The following EPB41L4A variants were observed in gnomAD, a reference collection of about 807,000 sequenced individuals.
The protein encoded by EPB41L4A is band 4.1-like protein 4A.
EPB41L4A carries 100 observed loss-of-function variants against 108.6 expected under a neutral mutation model. The ratio of observed to expected loss-of-function variants is 0.92; its 90% confidence interval spans 0.78 to 1.09. The LOEUF is 1.09. EPB41L4A is among the 50% of genes least tolerant of loss of function. The pLI is 0.00. For missense variants in EPB41L4A, 1,030 were observed against 842.7 expected (o/e 1.22, Z -2.75); for synonymous variants, 319 against 289.0 (o/e 1.10, Z -1.05).
At chr5:112,181,383 C>T (rs1434138718) in intron 18 of EPB41L4A, among the ~76,000 whole-genome samples, 8 of 151,814 alleles carry the variant, frequency 5.3e-5, no homozygotes, top group African/African-American at 1.7e-4. Flanking sequence ...ACCCGGGAGG[C>T]GGAGCTTGCA....
chr5:112,226,442 T>C (rs1031865744), intron 12 of EPB41L4A, among the ~76,000 whole-genome samples: 7 of 152,208 alleles, frequency 4.6e-5, no homozygotes, highest in African/African-American at 9.6e-5. Flanking sequence ...CTGTTCCTAT[T>C]GTCTGCTTAA....
At chr5:112,316,220 T>C (rs974913949) in intron 1 of EPB41L4A, among the ~76,000 whole-genome samples, 2 of 152,218 alleles carry the variant, frequency 1.3e-5, no homozygotes, top group African/African-American at 4.8e-5. Context: ...AAAGGCAGGT[T>C]CCTGCCAGCT....
intron 1 of EPB41L4A, among the ~76,000 whole-genome samples, chr5:112,402,270 TG>T (rs1277836653): frequency 6.6e-6 from 1 of 152,158 alleles, no homozygotes; most frequent in Non-Finnish European, 1.5e-5. Flanking sequence ...CCACCACGAT[TG>T]TAAGTTTCCT....
intron 2 of EPB41L4A, among the ~76,000 whole-genome samples, chr5:112,299,455 G>A (rs1754215042): frequency 6.6e-6 from 1 of 152,180 alleles, no homozygotes; most frequent in Middle Eastern, 3.4e-3. Context: ...CTATCATATG[G>A]TCTATTTTGG....
intron 1 of EPB41L4A, among the ~76,000 whole-genome samples, chr5:112,391,472 A>C (rs761500311): frequency 1.3e-5 from 2 of 152,220 alleles, no homozygotes; most frequent in African/African-American, 4.8e-5. Flanking sequence ...AGTGGAAGAA[A>C]GGGTATCAAT....
At chr5:112,406,627 G>T (rs749259405) in intron 1 of EPB41L4A, among the ~76,000 whole-genome samples, 44 of 152,072 alleles carry the variant, frequency 2.9e-4, no homozygotes, top group Non-Finnish European at 5.4e-4. Flanking sequence ...TTAATTTAAG[G>T]GCTGGGGGTG....
At chr5:112,259,419 C>A in intron 8 of EPB41L4A, 127 bp from the exon 9 acceptor site, 1 of 707,180 alleles carries the variant, frequency 1.4e-6, no homozygotes, top group Non-Finnish European at 2.5e-6. Context: ...ATACCCAGTA[C>A]ATACAGCGAC....
At chr5:112,400,187 A>G (rs1761647286) in intron 1 of EPB41L4A, among the ~76,000 whole-genome samples, 1 of 152,086 alleles carries the variant, frequency 6.6e-6, no homozygotes. Flanking sequence ...GGAAAGAGAG[A>G]GGGGGGTGAA....
Position 112,165,138 on chromosome 5 carries a change from TG to T in EPB41L4A, c.1933-21del. The T allele has an allele frequency of 8.5e-7, 1 of 1,172,690 alleles. No individual in the cohort carries two copies. Among genetic ancestry groups the T allele is most frequent in the East Asian group, 3.1e-5 (1 of 32,632 alleles). The allele number at this position is 1,172,690 out of a possible 1,614,324, so 72.6% of individuals were successfully genotyped here. ...TCTTCTCTAAAATATATTTGAAAAATGTAGAAAGATTCAGAAGAAAACAGCC... is the reference window on the plus strand; with the variant it reads ...TCTTCTCTAAAATATATTTGAAAAATTAGAAAGATTCAGAAGAAAACAGCC... On this transcript the variant is annotated intron_variant, in intron 22 of 22. Transcript: ENST00000261486.
intron 1 of EPB41L4A, among the ~76,000 whole-genome samples, chr5:112,365,777 C>G (rs1419195599): frequency 1.3e-5 from 2 of 152,144 alleles, no homozygotes; most frequent in Non-Finnish European, 2.9e-5. Context: ...TTACACTTCC[C>G]TTGAGTTTGA....
At chr5:112,302,315 A>C (rs774015491) in intron 2 of EPB41L4A, among the ~76,000 whole-genome samples, 1 of 152,128 alleles carries the variant, frequency 6.6e-6, no homozygotes, top group Non-Finnish European at 1.5e-5. Context: ...AAACCAGCCT[A>C]AGCAACATAG....
At chr5:112,144,837 T>C (rs17134154) in intron 13 of EPB41L4A, among the ~76,000 whole-genome samples, 24,487 of 152,082 alleles carry the variant, frequency 0.16, 2,250 homozygotes, top group African/African-American at 0.25. Context: ...ATATGTAATC[T>C]TGTGCCCATG....
rs529831175 is a variant in EPB41L4A at position 112,364,217 on chromosome 5, G to T, written c.99+54724C>A. Reference sequence around the variant, plus strand: ...ATTTTTTGTATTTTGGTAGAGATGGGATTTCACCATGTTGGCCAGGCTGGT... The same window carrying T: ...ATTTTTTGTATTTTGGTAGAGATGGTATTTCACCATGTTGGCCAGGCTGGT... On this transcript the variant is annotated intron_variant, in intron 1 of 22. Coordinates refer to ENST00000261486, the MANE Select transcript of EPB41L4A (RefSeq NM_022140.5). 5.3e-5 allele frequency among the ~76,000 whole-genome samples: 8 copies of T among 152,232 alleles called. No homozygotes were observed. In the East Asian group the frequency reaches 1.5e-3, roughly 29 times the overall value.
intron 1 of EPB41L4A, among the ~76,000 whole-genome samples, chr5:112,340,872 A>G (rs970360938): frequency 1.3e-5 from 2 of 152,228 alleles, no homozygotes; most frequent in Admixed American, 6.5e-5. Flanking sequence ...TATTTCATAC[A>G]TAAGTATCCA....
chr5:112,197,786 C>A (rs1049462124), intron 15 of EPB41L4A, among the ~76,000 whole-genome samples: 23 of 152,160 alleles, frequency 1.5e-4, no homozygotes, highest in African/African-American at 5.3e-4. Flanking sequence ...TATGATGGAC[C>A]CTACATCTCC....
rs774623206 is a variant in EPB41L4A, at chr5:112,168,980, G to A, written c.1850+15C>T. The stretch of plus-strand genomic sequence containing the variant: ...AGCCATGATGGTGATGGTGTACTCT[G>A]GCCTGCCCACTTACTTCACTTCCGA... On this transcript the variant is annotated intron_variant, in intron 21 of 22. Coordinates refer to ENST00000261486, the MANE Select transcript of EPB41L4A (RefSeq NM_022140.5). 6.9e-6 allele frequency: 11 copies of A among 1,587,448 alleles called. No individual in the cohort carries two copies. In the Admixed American group the frequency reaches 1.8e-4, roughly 26 times the overall value.
intron 11 of EPB41L4A, among the ~76,000 whole-genome samples, chr5:112,238,824 C>T (rs34489497): frequency 0.059 from 8,979 of 152,292 alleles, 317 homozygotes; most frequent in Middle Eastern, 0.075. Flanking sequence ...ACATCACAGG[C>T]TCTCTCCATT....
At chr5:112,415,485 T>C (rs1464816187) in intron 1 of EPB41L4A, among the ~76,000 whole-genome samples, 3 of 152,228 alleles carry the variant, frequency 2.0e-5, no homozygotes, top group Non-Finnish European at 2.9e-5. Flanking sequence ...ATCTATTTCA[T>C]ATTTGTAGCA....
chr5:112,189,957 G>A (rs1761613170), intron 17 of EPB41L4A, among the ~76,000 whole-genome samples: 2 of 152,132 alleles, frequency 1.3e-5, no homozygotes. Flanking sequence ...TACTTGCGAG[G>A]TCCTCCTTCA....
Sources: allele counts gnomAD v4.1 joint callset (sites outside exome capture counted in the v4.1 genomes callset), GRCh38; gene constraint gnomAD v4.1.1; transcripts MANE v1.5; gene names NCBI Gene and HGNC (gene_info 2026-07-23, HGNC 2026-07-21).